Variants in LONRF1 observed in about 807,000 individuals in gnomAD.
The protein encoded by LONRF1 is LON peptidase N-terminal domain and ring finger 1.
In LONRF1, 37 loss-of-function variants were observed where a neutral mutation model predicts 85.8. The ratio of observed to expected loss-of-function variants is 0.43; its 90% CI spans 0.33 to 0.57. The LOEUF is 0.57. Among genes scored for constraint, LONRF1 ranks in the 20% least tolerant of loss-of-function variants. The pLI is 0.04. For synonymous variants in LONRF1, 517 were observed against 390.1 expected (o/e 1.33, Z -3.83); for missense variants, 1,036 against 978.0 (o/e 1.06, Z -0.79).
chr8:12,738,595 G>C (rs1798811472), intron 3 of LONRF1: 1 of 152,312 alleles, frequency 6.6e-6, no homozygotes, highest in Non-Finnish European at 1.5e-5. Flanking sequence ...AAAATTCCCT[G>C]TACTTACACT....
chr8:12,754,467 C>T (rs922393504), intron 1 of LONRF1: 99 of 401,708 alleles, frequency 2.5e-4, no homozygotes, highest in Non-Finnish European at 3.4e-4. Flanking sequence ...CCGAGCGCCC[C>T]TCCCCGCGCC....
rs771301531 is a variant in LONRF1, at chr8:12,738,014, T to C, written c.1094A>G (p.Asn365Ser). The part of the protein sequence containing the change: ...HSVMEESQSL[N>S]EPSPKQSEEI... The stretch of plus-strand genomic sequence containing the variant: ...CCGTACCTGCTTTGGGCTAGGTTCA[T>C]TGAGAGACTGAGACTCTTCCATCAC... Residue 365 changes from asparagine to serine, a missense_variant, in exon 4 of 12, where the codon AAT (asparagine) becomes AGT (serine). Asn to Ser is a conservative substitution (Grantham distance 46). Transcript: ENST00000398246. 7.5e-6 allele frequency: 12 copies of C among 1,608,670 alleles called. No homozygotes were observed. Among genetic ancestry groups the C allele is most frequent in the East Asian group, 2.2e-5 (1 of 44,748 alleles).
At chr8:12,751,748 G>T (rs1157904694) in intron 1 of LONRF1, among the ~76,000 whole-genome samples, 3 of 149,996 alleles carry the variant, frequency 2.0e-5, no homozygotes, top group East Asian at 1.9e-4. Flanking sequence ...GTCTTCCTCT[G>T]GGGGAGAGGT....
chr8:12,724,971 T>G (rs1190501036), intron 11 of LONRF1, among the ~76,000 whole-genome samples: 1 of 152,220 alleles, frequency 6.6e-6, no homozygotes, highest in Non-Finnish European at 1.5e-5. Flanking sequence ...CATCTTCACA[T>G]ATTTACTGAC....
chr8:12,724,821 T>C (rs1013442693), intron 11 of LONRF1, among the ~76,000 whole-genome samples: 1 of 152,216 alleles, frequency 6.6e-6, no homozygotes, highest in Non-Finnish European at 1.5e-5. Flanking sequence ...CTAAACAGAA[T>C]GAATACTAAA....
chr8:12,727,478 C>CATT (rs61163414), intron 10 of LONRF1, among the ~76,000 whole-genome samples: 148,815 of 151,812 alleles, frequency 0.98, 73,001 homozygotes, highest in East Asian at 1. Flanking sequence ...TAGATGAAGA[C>CATT]ATGATGAGAA....
rs749092109 is a variant in LONRF1, at chr8:12,729,048, A to C, written c.1863T>G (p.Gly621=). 6.8e-6 allele frequency: 11 copies of C among 1,613,908 alleles called. No homozygotes were observed. Among genetic ancestry groups the C allele is most frequent in the Non-Finnish European group, 7.6e-6 (9 of 1,179,884 alleles). The change falls in exon 10 of 12, where the codon GGT becomes GGG. Residue 621 remains glycine, a synonymous_variant. Transcript: ENST00000398246. Reference sequence around the variant, plus strand: ...GCACGTTTCTAATTTGTAACATACAACCATAATCTGCAAAACTAAAAGAAA... The same window carrying C: ...GCACGTTTCTAATTTGTAACATACACCCATAATCTGCAAAACTAAAAGAAA... ...SDTQNSFADY[G]CMLQIRNVHF...
intron 1 of LONRF1, 50 bp from the exon 2 acceptor site, chr8:12,743,332 A>G: frequency 9.1e-7 from 1 of 1,098,254 alleles, no homozygotes; most frequent in Admixed American, 1.9e-5. Context: ...AGATTATTAC[A>G]TAATCTACAA....
chr8:12,726,188 G>T (rs1798294270), intron 10 of LONRF1, among the ~76,000 whole-genome samples: 1 of 152,144 alleles, frequency 6.6e-6, no homozygotes, highest in South Asian at 2.1e-4. Flanking sequence ...TGGTTCAGAG[G>T]TCTAATTTGG....
chr8:12,744,675 C>T (rs994369147), intron 1 of LONRF1, among the ~76,000 whole-genome samples: 1 of 152,086 alleles, frequency 6.6e-6, no homozygotes, highest in African/African-American at 2.4e-5. Flanking sequence ...GAAAACAGAG[C>T]AGCGTATGGC....
At chr8:12,745,350 C>A (rs1171915213) in intron 1 of LONRF1, among the ~76,000 whole-genome samples, 3 of 142,060 alleles carry the variant, frequency 2.1e-5, no homozygotes, top group Admixed American at 1.4e-4. Context: ...AAAAAACCAA[C>A]CCCATCAGGT....
chr8:12,732,687 C>G (rs1392330431), intron 7 of LONRF1, among the ~76,000 whole-genome samples: 1 of 152,130 alleles, frequency 6.6e-6, no homozygotes, highest in Non-Finnish European at 1.5e-5. Flanking sequence ...CTCCCAAGAA[C>G]CCATATTTTA....
In LONRF1 at chr8:12,723,135, C is replaced by T. The variant is rs754391675; in HGVS notation, c.2283G>A (p.Gln761=). 1 of 1,614,060 alleles carries T rather than the reference C, an allele frequency of 6.2e-7. No individual in the cohort carries two copies. The highest frequency in any genetic ancestry group is 2.2e-5 in the East Asian group (1 of 44,878). Residue 761 remains glutamine (Q), a synonymous_variant, in exon 12 of 12, where the codon CAG becomes CAA. Coordinates refer to ENST00000398246, the MANE Select transcript of LONRF1 (RefSeq NM_152271.5). Reference sequence around the variant, plus strand: ...CTCTAGAAAAATAGGTCAGTATATGCTGTATCTTGGTCAACCGTTCTTTCA... The same window carrying T: ...CTCTAGAAAAATAGGTCAGTATATGTTGTATCTTGGTCAACCGTTCTTTCA... ...KSLKERLTKI[Q]HILTYFSRDQ...
At chr8:12,747,754 CTCT>C (rs1799221597) in intron 1 of LONRF1, among the ~76,000 whole-genome samples, 1 of 14,892 alleles carries the variant, frequency 6.7e-5, no homozygotes, top group African/African-American at 8.7e-5. Flanking sequence ...TGAAATCTCT[CTCT>C]TTTTTTTTTT....
chr8:12,726,377 C>A (rs767732079), intron 10 of LONRF1, among the ~76,000 whole-genome samples: 3 of 152,118 alleles, frequency 2.0e-5, no homozygotes, highest in Non-Finnish European at 4.4e-5. Context: ...GGTCAAAACA[C>A]AAAAACAAAC....
In LONRF1 at chr8:12,722,578, A is replaced by G. The variant is rs1255200296; in HGVS notation, c.*518T>C. 6.5e-6 allele frequency: 1 copy of G among 152,866 alleles called. No individual in the cohort carries two copies. The highest frequency in any genetic ancestry group is 1.5e-5 in the Non-Finnish European group (1 of 68,236). The allele number at this position is 152,866 out of a possible 1,614,324, so 9.5% of individuals were successfully genotyped here. A position where few individuals can be genotyped will look rare whatever the true frequency, so the allele number is the denominator to read the frequency against. On this transcript the variant is annotated 3_prime_UTR_variant, in exon 12 of 12. Transcript: ENST00000398246. Reference sequence around the variant, plus strand: ...AATGATCCTCAACACGATATTTTACATACTTGTGCAAATATAAGCATTAGG... The same window carrying G: ...AATGATCCTCAACACGATATTTTACGTACTTGTGCAAATATAAGCATTAGG...
intron 11 of LONRF1, among the ~76,000 whole-genome samples, chr8:12,725,145 G>A (rs1798242218): frequency 6.6e-6 from 1 of 152,166 alleles, no homozygotes; most frequent in Non-Finnish European, 1.5e-5. Flanking sequence ...CACAGAAAGT[G>A]CCAGATACAC....
chr8:12,743,339 A>T, intron 1 of LONRF1, 57 bp from the exon 2 acceptor site: 3 of 1,027,908 alleles, frequency 2.9e-6, no homozygotes, highest in Non-Finnish European at 4.4e-6. Context: ...TACATAATCT[A>T]CAAAATATGA....
intron 1 of LONRF1, among the ~76,000 whole-genome samples, chr8:12,749,995 A>G (rs1306105310): frequency 2.0e-5 from 3 of 152,240 alleles, no homozygotes; most frequent in African/African-American, 2.4e-5. Flanking sequence ...AATAGTAAGA[A>G]TATTTTAGAT....
Sources: allele counts gnomAD v4.1 joint callset (sites outside exome capture counted in the v4.1 genomes callset), GRCh38; gene constraint gnomAD v4.1.1; transcripts MANE v1.5; gene names NCBI Gene and HGNC (gene_info 2026-07-23, HGNC 2026-07-21).